Variants in SDK2 observed in about 807,000 individuals in gnomAD.
The protein encoded by SDK2 is sidekick cell adhesion molecule 2.
A neutral mutation model predicts 253.9 loss-of-function variants in SDK2; 105 were observed. The observed-to-expected ratio is 0.41, with a 90% confidence interval of 0.35 to 0.49. The LOEUF (loss-of-function observed/expected upper bound fraction) is 0.49. Ranked by LOEUF, SDK2 falls within the 20% of genes least tolerant of loss-of-function variation. The probability of loss-of-function intolerance (pLI) is 0.06; values close to 1 mark genes in which losing one functional copy is unlikely to be tolerated. For missense variants in SDK2, 2,608 were observed against 3,003.0 expected (o/e 0.87, Z 3.07); for synonymous variants, 1,249 against 1,234.9 (o/e 1.01, Z -0.24).
Position 73,398,022 on chromosome 17 carries a change from G to A in SDK2, c.3354+13C>T, listed in dbSNP as rs369129277. The A allele has an allele frequency of 4.4e-6, 7 of 1,608,676 alleles. No individual in the cohort carries two copies. The highest frequency in any genetic ancestry group is 2.2e-5 in the South Asian group (2 of 91,018). Reference sequence around the variant, plus strand: ...ATGGAGAGGTCCCACCCCTGCCCTCGAGGGAGCCTTACCATCCAGCGCAGC... The same window carrying A: ...ATGGAGAGGTCCCACCCCTGCCCTCAAGGGAGCCTTACCATCCAGCGCAGC... On this transcript the variant is annotated intron_variant, in intron 24 of 44. Transcript: ENST00000392650.
In SDK2 at chr17:73,379,427, G is replaced by C; in HGVS notation, c.4864+21C>G. On this transcript the variant is annotated intron_variant, in intron 35 of 44. Transcript: ENST00000392650. This position sits in a 1 kb window ranked among gnomAD's most constrained non-coding sequence, Gnocchi z 4.5. ...GGCTGGGAAAGGCATGCTGGGGCCG[G>C]ACAGGGCGGGCGCTGCTCACCTGCC... The C allele has an allele frequency of 1.3e-6, 2 of 1,575,328 alleles. No homozygotes were observed. The highest frequency in any genetic ancestry group is 2.2e-5 in the East Asian group (1 of 44,594).
intron 44 of SDK2, among the ~76,000 whole-genome samples, chr17:73,346,553 C>T (rs960561833): frequency 1.4e-4 from 22 of 152,290 alleles, no homozygotes; most frequent in African/African-American, 4.6e-4. Context: ...GCCCCCTTCT[C>T]CTGCACCCTG....
chr17:73,395,391 G>A lies in SDK2; in HGVS notation c.3356C>T (p.Pro1119Leu). ...CCCATTGTATTCCATCTCCGGGAGA[G>A]GCTGCAGCGGGGCAGGGGTGGCAAA... ...SETSLWLRWMPLPEMEYNGNP... is the reference protein window; with the variant it reads ...SETSLWLRWMLLPEMEYNGNP... Residue 1119 changes from proline (P) to leucine (L), a missense_variant and splice_region_variant, in exon 25 of 45, where the codon CCT becomes CTT. Coordinates refer to ENST00000392650, the MANE Select transcript of SDK2 (RefSeq NM_001144952.2). This position sits in a 1 kb window ranked among gnomAD's most constrained non-coding sequence, Gnocchi z 4.3. 1 of 1,613,188 alleles carries A rather than the reference G, an allele frequency of 6.2e-7. No homozygotes were observed. The highest frequency in any genetic ancestry group is 8.5e-7 in the Non-Finnish European group (1 of 1,179,298).
chr17:73,349,498 C>A (rs1186974817), intron 43 of SDK2, among the ~76,000 whole-genome samples: 1 of 152,238 alleles, frequency 6.6e-6, no homozygotes, highest in Non-Finnish European at 1.5e-5. Context: ...AACCGCCACA[C>A]ATCAGGGGAG....
Position 73,551,483 on chromosome 17 carries a change from C to T in SDK2, c.65-43886G>A, listed in dbSNP as rs533609335. 1.5e-3 allele frequency among the ~76,000 whole-genome samples: 229 copies of T among 152,316 alleles called. 1 individual carries two copies. The highest frequency in any genetic ancestry group is 5.3e-3 in the African/African-American group (221 of 41,568). ...GAGGGGGCGGAGCGGCCGAGGCCTT[C>T]GGTTTTCTCCCTCCTTCCATCTCTG... On this transcript the variant is annotated intron_variant, in intron 1 of 44. Coordinates refer to ENST00000392650, the MANE Select transcript of SDK2 (RefSeq NM_001144952.2).
intron 1 of SDK2, among the ~76,000 whole-genome samples, chr17:73,599,249 G>T (rs1312062035): frequency 6.6e-6 from 1 of 152,076 alleles, no homozygotes; most frequent in Non-Finnish European, 1.5e-5. Flanking sequence ...AGGAGAGAAG[G>T]TGCTGGGCAC....
chr17:73,491,466 G>A (rs914849106), intron 2 of SDK2, among the ~76,000 whole-genome samples: 1 of 150,574 alleles, frequency 6.6e-6, no homozygotes, highest in African/African-American at 2.4e-5. Context: ...TTGACCGCCT[G>A]GGCTCCAGCG....
At chr17:73,364,610 C>T (rs915265830) in intron 38 of SDK2, among the ~76,000 whole-genome samples, 2 of 152,030 alleles carry the variant, frequency 1.3e-5, no homozygotes, top group African/African-American at 4.8e-5. Flanking sequence ...CAGGGGCTCC[C>T]CTCTTCTTTT....
intron 12 of SDK2, among the ~76,000 whole-genome samples, chr17:73,424,778 C>T (rs561720541): frequency 1.1e-4 from 16 of 152,276 alleles, no homozygotes; most frequent in South Asian, 8.3e-4. Flanking sequence ...GTGAGGAACC[C>T]GGTGGTGGCT....
rs991493715 is a variant in SDK2 at position 73,383,538 on chromosome 17, G to A, written c.4705+338C>T. Among the ~76,000 whole-genome samples the A allele has an allele frequency of 6.6e-6, 1 of 152,174 alleles. No individual in the cohort carries two copies. The highest frequency in any genetic ancestry group is 2.4e-5 in the African/African-American group (1 of 41,438). On this transcript the variant is annotated intron_variant, in intron 33 of 44. Coordinates refer to ENST00000392650, the MANE Select transcript of SDK2 (RefSeq NM_001144952.2). The surrounding 1 kb of genome is among the most constrained non-coding windows in gnomAD (Gnocchi z 4.3). ...TCCTTCCGTGTTAGCGCCAGTGCTG[G>A]TGCCGGGGAAGCCTTGCCTGTCCCT...
At position 73,616,930 on chromosome 17, in the gene SDK2, G is replaced by A. The variant is rs1225713730; in HGVS notation, c.64+27095C>T. ...GAGAGACAGCTCTCCTAGGGAGAGC[G>A]GAGGTCTAGAAAAGGTGCTGGGATG... On this transcript the variant is annotated intron_variant, in intron 1 of 44. Coordinates refer to ENST00000392650, the MANE Select transcript of SDK2 (RefSeq NM_001144952.2). This position sits in a 1 kb window ranked among gnomAD's most constrained non-coding sequence, Gnocchi z 5.2. Among the ~76,000 whole-genome samples, 1 of 152,076 alleles carries A rather than the reference G, an allele frequency of 6.6e-6. No individual in the cohort carries two copies. Among genetic ancestry groups the A allele is most frequent in the Non-Finnish European group, 1.5e-5 (1 of 68,002 alleles).
rs1338968935 is a variant in SDK2 at position 73,398,447 on chromosome 17, C to T, written c.3094-18G>A. 1 of 1,604,588 alleles carries T rather than the reference C, an allele frequency of 6.2e-7. No individual in the cohort carries two copies. The highest frequency in any genetic ancestry group is 1.3e-5 in the African/African-American group (1 of 74,954). ...ACGCCTACCTGGAAAAGGGCAGGAT[C>T]TTAGGCCTGTCCAGCCTACAGGGCC... On this transcript the variant is annotated intron_variant, in intron 22 of 44. Coordinates refer to ENST00000392650, the MANE Select transcript of SDK2 (RefSeq NM_001144952.2).
Position 73,570,723 on chromosome 17 carries a change from C to T in SDK2, c.65-63126G>A, listed in dbSNP as rs2045373380. On this transcript the variant is annotated intron_variant, in intron 1 of 44. Coordinates refer to ENST00000392650, the MANE Select transcript of SDK2 (RefSeq NM_001144952.2). This position sits in a 1 kb window ranked among gnomAD's most constrained non-coding sequence, Gnocchi z 4.2. ...TCAAGTCCTTGCCCGTGGCAGAACT[C>T]ATATCAAAGCCAGGTCAGTCTCTAA... Among the ~76,000 whole-genome samples the T allele has an allele frequency of 6.6e-6, 1 of 152,340 alleles. No individual in the cohort carries two copies. Among genetic ancestry groups the T allele is most frequent in the African/African-American group, 2.4e-5 (1 of 41,578 alleles).
chr17:73,454,375 G>C (rs1467617767), intron 4 of SDK2, among the ~76,000 whole-genome samples: 1 of 152,228 alleles, frequency 6.6e-6, no homozygotes. Flanking sequence ...CCTGACTCCG[G>C]AGTTGGCAGG....
rs775048572 is a variant in SDK2 at position 73,402,016 on chromosome 17, T to A, written c.2610A>T (p.Ser870=). ...CCCCGGGGGTGGTGAAACACAGCAC[T>A]GAGGTGAAGTACTCGGTGAACTTCT... The part of the protein sequence containing the change: ...GLKKFTEYFT[S]VLCFTTPGDG... The change falls in exon 19 of 45, where the codon TCA becomes TCT. Residue 870 remains serine (S), a synonymous_variant. Coordinates refer to ENST00000392650, the MANE Select transcript of SDK2 (RefSeq NM_001144952.2). 5 of 1,613,860 alleles carry A rather than the reference T, an allele frequency of 3.1e-6. No individual in the cohort carries two copies. The Admixed American group carries it at 8.3e-5, about 27-fold the overall frequency.
rs764226802 is a variant in SDK2 at position 73,390,437 on chromosome 17, C to T, written c.4042G>A (p.Ala1348Thr). 53 of 1,612,280 alleles carry T rather than the reference C, an allele frequency of 3.3e-5. No individual in the cohort carries two copies. The highest frequency in any genetic ancestry group is 4.4e-5 in the South Asian group (4 of 90,810). The change falls in exon 29 of 45, where the codon GCC becomes ACC. Residue 1348 changes from alanine to threonine, a missense_variant. By Grantham distance (58) the Ala-to-Thr change is moderately conservative (BLOSUM62 0). Transcript: ENST00000392650. ...CTGGGTGCCAGCACCTCCACAGTGG[C>T]GGTGTTGGCCGTGGTGGTGTTGAGC... The part of the protein sequence containing the change: ...HRLNTTTANT[A>T]TVEVLAPSAR...
At chr17:73,516,083 C>G (rs1335453516) in intron 1 of SDK2, among the ~76,000 whole-genome samples, 1 of 152,218 alleles carries the variant, frequency 6.6e-6, no homozygotes, top group Non-Finnish European at 1.5e-5. Context: ...AGCCCGCAGT[C>G]TCTTGAAGTT....
intron 44 of SDK2, among the ~76,000 whole-genome samples, 152 bp downstream of exon 44, chr17:73,348,447 T>G (rs1237670726): frequency 6.6e-6 from 1 of 152,148 alleles, no homozygotes; most frequent in African/African-American, 2.4e-5. Flanking sequence ...AGGGGACAGA[T>G]GGCCCATATA....
chr17:73,493,588 C>G (rs1383239585), intron 2 of SDK2, among the ~76,000 whole-genome samples: 1 of 152,244 alleles, frequency 6.6e-6, no homozygotes, highest in Non-Finnish European at 1.5e-5. Context: ...CAGTGTGACC[C>G]TGGACTTGTC....
Sources: gnomAD v4.1 joint callset for allele counts (sites outside exome capture counted in the v4.1 genomes callset) on GRCh38, gnomAD v4.1.1 for gene constraint, Gnocchi (gnomAD v3.1) non-coding constraint, MANE v1.5 for transcripts, NCBI Gene and HGNC (gene_info 2026-07-23, HGNC 2026-07-21) for gene names.